The following NPLOC4 variants were observed in gnomAD, a reference collection of about 807,000 sequenced individuals.
The protein encoded by NPLOC4 is nuclear protein localization protein 4 homolog.
A neutral mutation model predicts 80.6 loss-of-function variants in NPLOC4; 18 were observed. The ratio of observed to expected loss-of-function variants is 0.22; its 90% CI spans 0.15 to 0.33. The LOEUF (loss-of-function observed/expected upper bound fraction) is 0.33, where lower values mean the gene tolerates loss of function less well. Ranked by LOEUF, NPLOC4 falls within the 10% of genes least tolerant of loss-of-function variation. NPLOC4 has a pLI of 1.00. For synonymous variants in NPLOC4, 313 were observed against 301.5 expected (o/e 1.04, Z -0.39); for missense variants, 540 against 786.1 (o/e 0.69, Z 3.74).
chr17:81,586,247 A>G (rs1371440323), intron 12 of NPLOC4, among the ~76,000 whole-genome samples: 3 of 152,138 alleles, frequency 2.0e-5, no homozygotes, highest in East Asian at 3.9e-4. Flanking sequence ...GGTCTGGCAG[A>G]GACTCTGGAG....
At chr17:81,593,226 T>C (rs1210686036) in intron 11 of NPLOC4, among the ~76,000 whole-genome samples, 1 of 151,882 alleles carries the variant, frequency 6.6e-6, no homozygotes, top group Non-Finnish European at 1.5e-5. Context: ...GGGACTACAA[T>C]AGTGTAAGCT....
intron 2 of NPLOC4, among the ~76,000 whole-genome samples, chr17:81,623,289 G>A (rs2035713108): frequency 6.7e-6 from 1 of 149,488 alleles, no homozygotes; most frequent in African/African-American, 2.5e-5. Flanking sequence ...GGTCAACATA[G>A]TGAAACCGTC....
At chr17:81,611,425 A>T (rs1482032540) in intron 4 of NPLOC4, among the ~76,000 whole-genome samples, 1 of 151,220 alleles carries the variant, frequency 6.6e-6, no homozygotes, top group Non-Finnish European at 1.5e-5. Flanking sequence ...TCTCGGCTCC[A>T]TGCAACCTCC....
intron 12 of NPLOC4, 21 bp downstream of exon 12, chr17:81,588,923 T>C: frequency 1.9e-6 from 3 of 1,606,318 alleles, no homozygotes; most frequent in Non-Finnish European, 2.6e-6. Flanking sequence ...TACAGAGTTC[T>C]TTTTCTTACC....
Position 81,557,512 on chromosome 17 carries a change from A to G in NPLOC4, c.*1747T>C. 1 of 152,264 alleles carries G rather than the reference A, an allele frequency of 6.6e-6. No homozygotes were observed. Among genetic ancestry groups the G allele is most frequent in the East Asian group, 1.9e-4 (1 of 5,198 alleles). 9.4% of individuals were successfully genotyped at this position (152,264 alleles called of 1,614,324 possible). On this transcript the variant is annotated 3_prime_UTR_variant, in exon 17 of 17. Transcript: ENST00000331134. ...AGGAACTGGCAACGCGGCTCTCTCT[A>G]GAAGTCCGTGCTGTCCAGCCTCTGC...
At chr17:81,581,681 G>A (rs771792560) in intron 12 of NPLOC4, among the ~76,000 whole-genome samples, 8 of 152,312 alleles carry the variant, frequency 5.3e-5, no homozygotes, top group Middle Eastern at 6.8e-3. Flanking sequence ...CTCCCGGGGC[G>A]CCAGCCAGCA....
chr17:81,633,071 G>A (rs761339184), intron 1 of NPLOC4, among the ~76,000 whole-genome samples: 8 of 149,200 alleles, frequency 5.4e-5, no homozygotes, highest in Admixed American at 2.0e-4. Context: ...CAGAGCTTGT[G>A]GTGAGCAGAT....
chr17:81,598,626 C>T (rs1489818117), intron 9 of NPLOC4, among the ~76,000 whole-genome samples: 1 of 152,184 alleles, frequency 6.6e-6, no homozygotes, highest in African/African-American at 2.4e-5. Context: ...CCCAGCAACC[C>T]CTGCACGTTC....
rs1037616684 is a variant in NPLOC4, at chr17:81,637,017, C to A, written c.-87G>T. The stretch of plus-strand genomic sequence containing the variant: ...CTCGCAGACCCGGCCGCGGCCTCAG[C>A]CCCGGCCCCGGCCTCCCTACGCCGC... On this transcript the variant is annotated 5_prime_UTR_variant, in exon 1 of 17. Coordinates refer to ENST00000331134, the MANE Select transcript of NPLOC4 (RefSeq NM_017921.4). 4.8e-6 allele frequency: 4 copies of A among 838,372 alleles called. No homozygotes were observed. Among genetic ancestry groups the A allele is most frequent in the South Asian group, 5.7e-5 (1 of 17,410 alleles). 51.9% of individuals were successfully genotyped at this position (838,372 alleles called of 1,614,324 possible).
intron 11 of NPLOC4, among the ~76,000 whole-genome samples, chr17:81,591,122 T>C (rs2034726342): frequency 6.6e-6 from 1 of 152,112 alleles, no homozygotes; most frequent in Non-Finnish European, 1.5e-5. Flanking sequence ...GGTGCAGACA[T>C]CTGGTTAGGA....
At chr17:81,595,202 C>T (rs917776289) in intron 11 of NPLOC4, among the ~76,000 whole-genome samples, 5 of 151,656 alleles carry the variant, frequency 3.3e-5, no homozygotes, top group Non-Finnish European at 5.9e-5. Context: ...TTTGAGAGGC[C>T]AATGAGGGTG....
At chr17:81,627,326 A>G (rs1391245820) in intron 2 of NPLOC4, among the ~76,000 whole-genome samples, 1 of 150,814 alleles carries the variant, frequency 6.6e-6, no homozygotes, top group East Asian at 2.0e-4. Context: ...TGGGAGGCAG[A>G]GCTTGCAGTG....
At chr17:81,566,536 G>C (rs1281820791) in intron 15 of NPLOC4, 2 of 152,246 alleles carry the variant, frequency 1.3e-5, no homozygotes, top group Non-Finnish European at 2.9e-5. Flanking sequence ...CAGTTCCCTG[G>C]GCTGACTAGG....
intron 1 of NPLOC4, chr17:81,636,336 T>C (rs2036071526): frequency 6.6e-6 from 1 of 152,242 alleles, no homozygotes; most frequent in African/African-American, 2.4e-5. Context: ...TAAAGAGGAA[T>C]TGTCAAGTTG....
chr17:81,635,357 T>TTAA (rs561130827), intron 1 of NPLOC4, among the ~76,000 whole-genome samples: 4 of 126,636 alleles, frequency 3.2e-5, no homozygotes, highest in African/African-American at 1.2e-4. Flanking sequence ...AAAATAAGGT[T>TTAA]AAAAAAAAAA....
In NPLOC4 at chr17:81,572,140, A is replaced by G; in HGVS notation, c.1282-52T>C. 1 of 1,160,856 alleles carries G rather than the reference A, an allele frequency of 8.6e-7. No homozygotes were observed. The highest frequency in any genetic ancestry group is 1.2e-6 in the Non-Finnish European group (1 of 831,420). The allele number at this position is 1,160,856 out of a possible 1,614,324, so 71.9% of individuals were successfully genotyped here. On this transcript the variant is annotated intron_variant, in intron 12 of 16. Transcript: ENST00000331134. The surrounding 1 kb of genome is among the most constrained non-coding windows in gnomAD (Gnocchi z 4.5). ...TGAGCAAAGACGATCAGTAGTAATG[A>G]TTTTCCTTTCACATGCTTGTCTCAC...
In NPLOC4 at chr17:81,579,419, T is replaced by C. The variant is rs1164228239; in HGVS notation, c.1282-7331A>G. ...CGAGCTGTCTGATGCATGTGGATCT[T>C]TAGATTTGAGACCCTCCTGCTGCCA... On this transcript the variant is annotated intron_variant, in intron 12 of 16. Transcript: ENST00000331134. 3.3e-5 allele frequency among the ~76,000 whole-genome samples: 5 copies of C among 152,084 alleles called. No individual in the cohort carries two copies. In the East Asian group the frequency reaches 9.6e-4, roughly 29 times the overall value.
At chr17:81,606,097 C>A (rs980872863) in intron 7 of NPLOC4, among the ~76,000 whole-genome samples, 28 of 152,206 alleles carry the variant, frequency 1.8e-4, no homozygotes, top group Non-Finnish European at 2.9e-4. Flanking sequence ...GCTGGGATTA[C>A]AGGTGTGAGC....
Position 81,559,268 on chromosome 17 carries a change from G to C in NPLOC4, c.1818C>G (p.Pro606=). Residue 606 remains proline, a synonymous_variant, in exon 17 of 17, where the codon CCC becomes CCG. Coordinates refer to ENST00000331134, the MANE Select transcript of NPLOC4 (RefSeq NM_017921.4). ...GTGHCEMCSL[P]RT is the part of the protein sequence containing the mutation. Reference sequence around the variant, plus strand: ...GCAGAGGGCAGGCGCCCTAGGTCCTGGGGAGGCTGCACATCTCGCAGTGGC... The same window carrying C: ...GCAGAGGGCAGGCGCCCTAGGTCCTCGGGAGGCTGCACATCTCGCAGTGGC... 6.2e-7 allele frequency: 1 copy of C among 1,602,612 alleles called. No homozygotes were observed. The highest frequency in any genetic ancestry group is 8.5e-7 in the Non-Finnish European group (1 of 1,175,348).
Sources: allele counts gnomAD v4.1 joint callset (sites outside exome capture counted in the v4.1 genomes callset), GRCh38; gene constraint gnomAD v4.1.1; non-coding constraint Gnocchi (gnomAD v3.1); transcripts MANE v1.5; gene names NCBI Gene and HGNC (gene_info 2026-07-23, HGNC 2026-07-21).